Variants in TNIK observed in about 807,000 individuals in gnomAD.
The protein encoded by TNIK is TRAF2 and NCK interacting kinase, also known as TRAF2 and NCK-interacting protein kinase.
Under a neutral mutation model 191.3 loss-of-function variants are expected in TNIK, and 49 were observed. That is an observed-to-expected ratio of 0.26 (90% CI 0.20 to 0.32). The LOEUF (loss-of-function observed/expected upper bound fraction) is 0.32. Among genes scored for constraint, TNIK ranks in the 10% least tolerant of loss-of-function variants. TNIK has a pLI of 1.00. For synonymous variants in TNIK, 594 were observed against 600.9 expected (o/e 0.99, Z 0.17); for missense variants, 1,155 against 1,702.3 (o/e 0.68, Z 5.66).
Position 171,347,023 on chromosome 3 carries a change from G to A in TNIK, c.123+22597C>T, listed in dbSNP as rs1712316678. ...ATAACATCAAGGGACAGTCCTGCAG[G>A]CGTTCATATGAGAGATGTGCAATGC... On this transcript the variant is annotated intron_variant, in intron 2 of 32. Coordinates refer to ENST00000436636, the MANE Select transcript of TNIK (RefSeq NM_015028.4). 3 of 971,914 alleles carry A rather than the reference G, an allele frequency of 3.1e-6. No homozygotes were observed. In the Admixed American group the frequency reaches 8.6e-5, roughly 28 times the overall value. 60.2% of individuals were successfully genotyped at this position (971,914 alleles called of 1,614,324 possible). A position where few individuals can be genotyped will look rare whatever the true frequency, so the allele number is the denominator to read the frequency against.
chr3:171,452,716 G>C (rs1281744975), intron 1 of TNIK, among the ~76,000 whole-genome samples: 1 of 138,718 alleles, frequency 7.2e-6, no homozygotes, highest in African/African-American at 2.9e-5. Flanking sequence ...TGAAATAATT[G>C]AAACACACTC....
chr3:171,215,615 C>T (rs151221057), intron 3 of TNIK, among the ~76,000 whole-genome samples: 12 of 152,268 alleles, frequency 7.9e-5, no homozygotes, highest in East Asian at 1.9e-4. Flanking sequence ...TAATCGGAAG[C>T]GTTTAAGAGC....
chr3:171,065,896 CTAAGTGCTT>C (rs1299696134), intron 32 of TNIK, among the ~76,000 whole-genome samples: 1 of 152,188 alleles, frequency 6.6e-6, no homozygotes, highest in Non-Finnish European at 1.5e-5. Flanking sequence ...GCCAACTGCT[CTAAGTGCTT>C]AGGAGAATTT....
chr3:171,256,512 C>A (rs1350012863), intron 2 of TNIK, among the ~76,000 whole-genome samples: 1 of 152,170 alleles, frequency 6.6e-6, no homozygotes, highest in Non-Finnish European at 1.5e-5. Flanking sequence ...AACAAAGCCA[C>A]AGATACAAAG....
intron 8 of TNIK, among the ~76,000 whole-genome samples, chr3:171,175,809 T>G (rs1246662839): frequency 2.0e-5 from 3 of 152,166 alleles, no homozygotes; most frequent in Non-Finnish European, 4.4e-5. Context: ...ATTTTTGGAG[T>G]CCAAAACACC....
chr3:171,098,841 A>G (rs1225092491), intron 22 of TNIK, among the ~76,000 whole-genome samples: 1 of 152,232 alleles, frequency 6.6e-6, no homozygotes, highest in African/African-American at 2.4e-5. Context: ...CAGGCATGCA[A>G]TCATCACATT....
At chr3:171,312,754 T>C (rs1262124082) in intron 2 of TNIK, among the ~76,000 whole-genome samples, 3 of 152,162 alleles carry the variant, frequency 2.0e-5, no homozygotes, top group Non-Finnish European at 4.4e-5. Context: ...CGATGTCCAG[T>C]TTATTCATTC....
At chr3:171,296,533 T>C (rs908994346) in intron 2 of TNIK, among the ~76,000 whole-genome samples, 2 of 152,194 alleles carry the variant, frequency 1.3e-5, no homozygotes, top group Admixed American at 1.3e-4. Flanking sequence ...GGACTGTGGG[T>C]TCTGGAGCCA....
intron 1 of TNIK, among the ~76,000 whole-genome samples, chr3:171,442,043 AT>A (rs1279454928): frequency 6.6e-6 from 1 of 152,194 alleles, no homozygotes; most frequent in Admixed American, 6.5e-5. Flanking sequence ...GATCATAGAA[AT>A]TTTAACCAGA....
At chr3:171,389,639 C>A (rs781040782) in intron 1 of TNIK, among the ~76,000 whole-genome samples, 1 of 152,170 alleles carries the variant, frequency 6.6e-6, no homozygotes, top group South Asian at 2.1e-4. Context: ...GTAGCCTGTT[C>A]TGTGCCATGT....
intron 2 of TNIK, among the ~76,000 whole-genome samples, chr3:171,289,491 G>C (rs1310579653): frequency 6.6e-6 from 1 of 152,204 alleles, no homozygotes; most frequent in Non-Finnish European, 1.5e-5. Context: ...GGCTCATATA[G>C]ATTCTATTCC....
At chr3:171,347,237 G>T (rs202127952) in intron 2 of TNIK, 3 of 1,448,184 alleles carry the variant, frequency 2.1e-6, no homozygotes, top group South Asian at 2.6e-5. Flanking sequence ...AAAAAAAAAA[G>T]AAAAGAAAAA....
At chr3:171,103,635 G>A (rs550877922) in intron 21 of TNIK, among the ~76,000 whole-genome samples, 2 of 152,162 alleles carry the variant, frequency 1.3e-5, no homozygotes, top group African/African-American at 4.8e-5. Context: ...ACTGTGTTAA[G>A]TCTCATCAAA....
intron 4 of TNIK, among the ~76,000 whole-genome samples, chr3:171,196,911 C>T (rs564226567): frequency 7.2e-6 from 1 of 138,046 alleles, no homozygotes; most frequent in Non-Finnish European, 1.6e-5. Flanking sequence ...CCCGCCATCA[C>T]GCCCGGCTAA....
chr3:171,394,382 C>A (rs1345728870), intron 1 of TNIK, among the ~76,000 whole-genome samples: 1 of 152,208 alleles, frequency 6.6e-6, no homozygotes, highest in Non-Finnish European at 1.5e-5. Flanking sequence ...ACACTTCTAT[C>A]CCCAAGGTTG....
intron 18 of TNIK, among the ~76,000 whole-genome samples, chr3:171,111,407 C>T (rs1725834314): frequency 6.6e-6 from 1 of 152,012 alleles, no homozygotes; most frequent in Non-Finnish European, 1.5e-5. Context: ...AGAGTGAGAC[C>T]ATGTCTCAAA....
chr3:171,126,384 A>C (rs1728485651), intron 16 of TNIK, among the ~76,000 whole-genome samples: 2 of 152,208 alleles, frequency 1.3e-5, no homozygotes, highest in Non-Finnish European at 2.9e-5. Flanking sequence ...ACGCTAAGTC[A>C]GTGGAATGTG....
chr3:171,125,777 G>A (rs565699429), intron 17 of TNIK, 135 bp downstream of exon 17: 1 of 1,331,994 alleles, frequency 7.5e-7, no homozygotes, highest in Admixed American at 2.2e-5. Flanking sequence ...GAATGAAGAG[G>A]GACCAAAACA....
intron 2 of TNIK, among the ~76,000 whole-genome samples, chr3:171,249,286 G>A (rs1577246606): frequency 1.3e-5 from 2 of 152,174 alleles, no homozygotes; most frequent in South Asian, 2.1e-4. Context: ...GGATGATTTA[G>A]GAAGATAAAG....
Sources: allele counts gnomAD v4.1 joint callset (sites outside exome capture counted in the v4.1 genomes callset), GRCh38; gene constraint gnomAD v4.1.1; transcripts MANE v1.5; gene names NCBI Gene and HGNC (gene_info 2026-07-23, HGNC 2026-07-21).